The following CAPSL variants were observed in gnomAD, a reference collection of about 807,000 sequenced individuals.
CAPSL encodes the protein calcyphosin-like protein.
Under a neutral mutation model 21.3 loss-of-function variants are expected in CAPSL, and 17 were observed. The observed-to-expected ratio is 0.80, with a 90% confidence interval of 0.55 to 1.20. The LOEUF (loss-of-function observed/expected upper bound fraction) is 1.20. Ranked by LOEUF, CAPSL falls within the 50% of genes most tolerant of loss-of-function variation. The probability of loss-of-function intolerance (pLI) is 0.00; values close to 1 mark genes in which losing one functional copy is unlikely to be tolerated. For missense variants in CAPSL, 289 were observed against 259.3 expected (o/e 1.11, Z -0.79); for synonymous variants, 102 against 89.3 (o/e 1.14, Z -0.80).
chr5:35,909,730 T>C, intron 4 of CAPSL, 136 bp downstream of exon 4: 3 of 760,202 alleles, frequency 3.9e-6, no homozygotes, highest in Non-Finnish European at 6.3e-6. Context: ...TTCTAGATTG[T>C]TCCTAGGGAA....
intron 2 of CAPSL, among the ~76,000 whole-genome samples, chr5:35,920,462 C>G (rs11955657): frequency 6.6e-6 from 1 of 151,966 alleles, no homozygotes; most frequent in African/African-American, 2.4e-5. Flanking sequence ...ACTATTCACA[C>G]TCAGAGGACA....
rs546622080 is a variant in CAPSL, at chr5:35,911,284, T to C, written c.138-741A>G. Among the ~76,000 whole-genome samples, 21 of 152,190 alleles carry C rather than the reference T, an allele frequency of 1.4e-4. No individual in the cohort carries two copies. The South Asian group carries it at 3.9e-3, about 29-fold the overall frequency. On this transcript the variant is annotated intron_variant, in intron 2 of 4. Coordinates refer to ENST00000651391, the MANE Select transcript of CAPSL (RefSeq NM_001042625.2). The stretch of plus-strand genomic sequence containing the variant: ...AGGTTTCCTTCCAAAAAGTACGATA[T>C]GGAAAAGGGAAAAGGGAAGCAACTT...
At chr5:35,935,833 C>G (rs1189610631) in intron 1 of CAPSL, among the ~76,000 whole-genome samples, 1 of 152,130 alleles carries the variant, frequency 6.6e-6, no homozygotes, top group African/African-American at 2.4e-5. Context: ...CCATCTGGTA[C>G]CAGTGCCTCC....
At chr5:35,937,783 CTT>C (rs918885389) in intron 1 of CAPSL, among the ~76,000 whole-genome samples, 2 of 150,616 alleles carry the variant, frequency 1.3e-5, no homozygotes, top group African/African-American at 4.9e-5. Context: ...ATATTTAAAA[CTT>C]TCAATAACAA....
chr5:35,907,916 AC>A (rs1032038787), intron 4 of CAPSL, among the ~76,000 whole-genome samples: 2 of 152,206 alleles, frequency 1.3e-5, no homozygotes, highest in African/African-American at 4.8e-5. Flanking sequence ...CTCTACAACA[AC>A]AATTTCTTGT....
chr5:35,925,453 A>G (rs1292787197), intron 1 of CAPSL, among the ~76,000 whole-genome samples: 1 of 152,186 alleles, frequency 6.6e-6, no homozygotes, highest in Non-Finnish European at 1.5e-5. Flanking sequence ...ATAATTAGGA[A>G]AGTACAAGTA....
rs1179243715 is a variant in CAPSL at position 35,910,555 on chromosome 5, A to G, written c.138-12T>C. 3.8e-6 allele frequency: 6 copies of G among 1,568,824 alleles called. No individual in the cohort carries two copies. Among genetic ancestry groups the G allele is most frequent in the African/African-American group, 1.4e-5 (1 of 73,654 alleles). On this transcript the variant is annotated splice_polypyrimidine_tract_variant and intron_variant, in intron 2 of 4. Transcript: ENST00000651391. ...TAATTCTAAACACTCTGAAGAAAAT[A>G]CACACAAAAATTCAGAAGAAATGTA...
At chr5:35,918,778 C>T (rs932157075) in intron 2 of CAPSL, among the ~76,000 whole-genome samples, 2 of 151,910 alleles carry the variant, frequency 1.3e-5, no homozygotes, top group African/African-American at 2.4e-5. Context: ...AGAGAGCTAA[C>T]AGAACTCTAG....
Position 35,904,428 on chromosome 5 carries a change from A to C in CAPSL, c.*117T>G. 1.3e-6 allele frequency: 1 copy of C among 779,986 alleles called. No homozygotes were observed. The highest frequency in any genetic ancestry group is 1.8e-5 in the South Asian group (1 of 55,508). The allele number at this position is 779,986 out of a possible 1,614,324, so 48.3% of individuals were successfully genotyped here. A position where few individuals can be genotyped will look rare whatever the true frequency, so the allele number is the denominator to read the frequency against. ...TGGCCCCAGAAAATGCAATATTTTG[A>C]CACAGAAAAAAACATTAGGATGAGT... On this transcript the variant is annotated 3_prime_UTR_variant, in exon 5 of 5. Coordinates refer to ENST00000651391, the MANE Select transcript of CAPSL (RefSeq NM_001042625.2).
At chr5:35,926,613 C>A (rs952094920) in intron 1 of CAPSL, among the ~76,000 whole-genome samples, 1 of 152,204 alleles carries the variant, frequency 6.6e-6, no homozygotes, top group Non-Finnish European at 1.5e-5. Flanking sequence ...CTAGCCCTAG[C>A]CTGCATCTAT....
chr5:35,924,253 A>G (rs1486189627), intron 1 of CAPSL, among the ~76,000 whole-genome samples: 4 of 152,202 alleles, frequency 2.6e-5, no homozygotes, highest in African/African-American at 9.7e-5. Flanking sequence ...GTGCAACCTC[A>G]TTTTGCAAAC....
chr5:35,927,843 A>G (rs575606249), intron 1 of CAPSL, among the ~76,000 whole-genome samples: 1 of 152,332 alleles, frequency 6.6e-6, no homozygotes, highest in African/African-American at 2.4e-5. Flanking sequence ...ACTAGCTATT[A>G]CTACACGGTA....
In CAPSL at chr5:35,909,815, TTACAA is replaced by T. The variant is rs759421828; in HGVS notation, c.525+46_525+50del. On this transcript the variant is annotated intron_variant, in intron 4 of 4. Coordinates refer to ENST00000651391, the MANE Select transcript of CAPSL (RefSeq NM_001042625.2). ...TTAAGAGTTTGGACCTATTTCCCAT[TTACAA>T]TTTCGAATTGAAGAAATTTCCCCTA... 3 of 1,459,852 alleles carry T rather than the reference TTACAA, an allele frequency of 2.1e-6. No homozygotes were observed. The Admixed American group carries it at 6.0e-5, about 29-fold the overall frequency. 90.4% of individuals were successfully genotyped at this position (1,459,852 alleles called of 1,614,324 possible).
chr5:35,926,682 T>C (rs781660828), intron 1 of CAPSL, among the ~76,000 whole-genome samples: 2 of 152,162 alleles, frequency 1.3e-5, no homozygotes, highest in Non-Finnish European at 2.9e-5. Flanking sequence ...TCTTCCTTTC[T>C]CTGTTCCTCT....
chr5:35,906,328 C>T (rs1482844549), intron 4 of CAPSL, among the ~76,000 whole-genome samples: 1 of 152,096 alleles, frequency 6.6e-6, no homozygotes, highest in Non-Finnish European at 1.5e-5. Flanking sequence ...TTGAAAAACT[C>T]AAAACTCACT....
At chr5:35,919,171 AT>A (rs1365077031) in intron 2 of CAPSL, among the ~76,000 whole-genome samples, 235 of 64,256 alleles carry the variant, frequency 3.7e-3, no homozygotes, top group East Asian at 0.017. Flanking sequence ...AAAAAAAAAA[AT>A]ATATATATAT....
intron 1 of CAPSL, among the ~76,000 whole-genome samples, chr5:35,921,697 G>A (rs757087456): frequency 3.4e-4 from 52 of 152,136 alleles, no homozygotes; most frequent in Admixed American, 1.1e-3. Flanking sequence ...CCCAAGGGAC[G>A]TACAAACTCT....
At chr5:35,930,133 A>C (rs1464989544) in intron 1 of CAPSL, among the ~76,000 whole-genome samples, 1 of 152,196 alleles carries the variant, frequency 6.6e-6, no homozygotes, top group Non-Finnish European at 1.5e-5. Flanking sequence ...ACGGCATTTC[A>C]TCTACACTTA....
At chr5:35,914,286 A>T (rs1259643501) in intron 2 of CAPSL, among the ~76,000 whole-genome samples, 1 of 152,216 alleles carries the variant, frequency 6.6e-6, no homozygotes, top group African/African-American at 2.4e-5. Flanking sequence ...CACTGTCAAC[A>T]TTAGACAGAT....
Sources: allele counts gnomAD v4.1 joint callset (sites outside exome capture counted in the v4.1 genomes callset), GRCh38; gene constraint gnomAD v4.1.1; transcripts MANE v1.5; gene names NCBI Gene and HGNC (gene_info 2026-07-23, HGNC 2026-07-21).